The following AGFG2 variants were observed in gnomAD, a reference collection of about 807,000 sequenced individuals.
AGFG2 encodes ArfGAP with FG repeats 2.
AGFG2 carries 31 observed loss-of-function variants against 48.0 expected under a neutral mutation model. The observed-to-expected ratio is 0.65, with a 90% CI of 0.49 to 0.87. The LOEUF is 0.87. AGFG2 is among the 40% of genes least tolerant of loss of function. AGFG2 has a pLI of 0.00. For synonymous variants in AGFG2, 229 were observed against 260.8 expected (o/e 0.88, Z 1.18); for missense variants, 599 against 632.6 (o/e 0.95, Z 0.57).
At chr7:100,558,545 G>GTTTTT (rs36124305) in intron 6 of AGFG2, among the ~76,000 whole-genome samples, 2 of 135,476 alleles carry the variant, frequency 1.5e-5, no homozygotes, top group Non-Finnish European at 3.2e-5. Context: ...TTTTGTTTTT[G>GTTTTT]TTTTTTTTTT....
At chr7:100,558,839 C>G (rs1431158788) in intron 6 of AGFG2, among the ~76,000 whole-genome samples, 4 of 152,108 alleles carry the variant, frequency 2.6e-5, no homozygotes, top group Admixed American at 2.6e-4. Context: ...CTGGCTGTCT[C>G]AAAAAGCAGT....
chr7:100,554,431 T>C (rs1218473664), intron 5 of AGFG2, among the ~76,000 whole-genome samples, 173 bp downstream of exon 5: 1 of 152,248 alleles, frequency 6.6e-6, no homozygotes, highest in African/African-American at 2.4e-5. Context: ...GCCAGGATTA[T>C]GTTTGGGGGT....
chr7:100,563,753 A>G lies in AGFG2; in HGVS notation c.1172-81A>G, dbSNP rs1209264422. 3 of 1,580,976 alleles carry G rather than the reference A, an allele frequency of 1.9e-6. No individual in the cohort carries two copies. In the African/African-American group the frequency reaches 4.1e-5, roughly 21 times the overall value. On this transcript the variant is annotated intron_variant, in intron 9 of 11. Transcript: ENST00000300176. ...GGAAAAAACTATATCCCATTTTCCC[A>G]TCTTGGAGGGACTTAGGAAAAACAG...
Position 100,554,167 on chromosome 7 carries a change from A to T in AGFG2, c.660A>T (p.Lys220Asn), listed in dbSNP as rs758827052. Residue 220 changes from lysine to asparagine, a missense_variant, in exon 5 of 12, where the codon AAA becomes AAT. By Grantham distance (94) the Lys-to-Asn change is moderately conservative. Coordinates refer to ENST00000300176, the MANE Select transcript of AGFG2 (RefSeq NM_006076.5). ...TQPPPHSSVK[K>N]ASTDLLADIG... ...CACCTCCCCACTCCTCTGTCAAAAAAGCCAGTACTGACCTGCTGGCTGACA... is the reference window on the plus strand; with the variant it reads ...CACCTCCCCACTCCTCTGTCAAAAATGCCAGTACTGACCTGCTGGCTGACA... 1.2e-6 allele frequency: 2 copies of T among 1,614,216 alleles called. No individual in the cohort carries two copies. The highest frequency in any genetic ancestry group is 8.5e-7 in the Non-Finnish European group (1 of 1,180,044).
At chr7:100,551,057 TATATA>T (rs1562791838) in intron 3 of AGFG2, among the ~76,000 whole-genome samples, 20 of 113,610 alleles carry the variant, frequency 1.8e-4, no homozygotes, top group African/African-American at 6.7e-4. Flanking sequence ...TATATATATA[TATATA>T]TATATTTCTT....
chr7:100,554,286 C>T (rs772235085), intron 5 of AGFG2, 28 bp downstream of exon 5: 38 of 1,598,530 alleles, frequency 2.4e-5, no homozygotes, highest in Non-Finnish European at 3.2e-5. Flanking sequence ...TGGGACCCTC[C>T]CTACAGCGTA....
In AGFG2 at chr7:100,562,730, G is replaced by A. The variant is rs1424115311; in HGVS notation, c.1087+48G>A. 6.3e-7 allele frequency: 1 copy of A among 1,592,712 alleles called. No homozygotes were observed. Among genetic ancestry groups the A allele is most frequent in the Non-Finnish European group, 8.5e-7 (1 of 1,170,338 alleles). On this transcript the variant is annotated intron_variant, in intron 8 of 11. Coordinates refer to ENST00000300176, the MANE Select transcript of AGFG2 (RefSeq NM_006076.5). The surrounding 1 kb of genome is among the most constrained non-coding windows in gnomAD (Gnocchi z 5.4). ...CAGGGGAGGGGACCTGAGGCCAGGA[G>A]GAGTCTAAGGACTCTGGACAGGGTG...
intron 6 of AGFG2, among the ~76,000 whole-genome samples, chr7:100,559,798 A>G (rs1355128808): frequency 6.6e-6 from 1 of 150,724 alleles, no homozygotes; most frequent in Admixed American, 6.6e-5. Context: ...AGCCTGGGCA[A>G]TTGGAATGAG....
intron 6 of AGFG2, among the ~76,000 whole-genome samples, chr7:100,557,168 A>G (rs1250855326): frequency 6.6e-6 from 1 of 151,912 alleles, no homozygotes; most frequent in Non-Finnish European, 1.5e-5. Flanking sequence ...ACTGCACTCC[A>G]GCCTGAGTGA....
intron 1 of AGFG2, among the ~76,000 whole-genome samples, chr7:100,540,695 CTGT>C (rs536671427): frequency 6.6e-5 from 10 of 152,184 alleles, no homozygotes; most frequent in South Asian, 6.2e-4. Context: ...TTTTAAGACA[CTGT>C]TGTTTTTGTT....
intron 6 of AGFG2, 75 bp downstream of exon 6, chr7:100,555,810 A>G (rs1168982490): frequency 2.6e-6 from 4 of 1,567,660 alleles, no homozygotes; most frequent in Middle Eastern, 1.7e-4. Context: ...CACCATTCAT[A>G]TCCTCACTAT....
rs551708600 is a variant in AGFG2, at chr7:100,546,586, G to A, written c.222-2236G>A. On this transcript the variant is annotated intron_variant, in intron 1 of 11. Coordinates refer to ENST00000300176, the MANE Select transcript of AGFG2 (RefSeq NM_006076.5). ...AAGATAACTCTGTCCTATAATTTTT[G>A]TATCCCCCACAGTGCCTCCCATAAT... is the stretch of plus-strand genomic sequence containing the variant. Among the ~76,000 whole-genome samples the A allele has an allele frequency of 9.2e-5, 14 of 152,170 alleles. No homozygotes were observed. In the East Asian group the frequency reaches 2.3e-3, roughly 25 times the overall value.
intron 5 of AGFG2, among the ~76,000 whole-genome samples, chr7:100,554,761 C>A (rs1291947348): frequency 1.3e-5 from 2 of 151,672 alleles, no homozygotes; most frequent in African/African-American, 4.8e-5. Flanking sequence ...ATGGTGAAAC[C>A]TCATCTCTAC....
intron 11 of AGFG2, 92 bp from the exon 12 acceptor site, chr7:100,564,840 G>A (rs1800969573): frequency 4.9e-6 from 7 of 1,427,134 alleles, no homozygotes; most frequent in East Asian, 2.3e-5. Flanking sequence ...TCAGCATAGC[G>A]ATTTTTCAGG....
At position 100,554,115 on chromosome 7, in the gene AGFG2, G is replaced by A. The variant is rs775661541; in HGVS notation, c.608G>A (p.Arg203Gln). 7 of 1,613,726 alleles carry A rather than the reference G, an allele frequency of 4.3e-6. No individual in the cohort carries two copies. The East Asian group carries it at 8.9e-5, about 21-fold the overall frequency. The change falls in exon 5 of 12, where the codon CGG becomes CAG. Residue 203 changes from arginine (R) to glutamine (Q), a missense_variant. By Grantham distance (43) the Arg-to-Gln change is conservative (BLOSUM62 1). Transcript: ENST00000300176. ...AAGCCCGTCAGTCAGTCTCACGCTC[G>A]GACATCCCAGGCCCGGAGCACTCAG... The part of the protein sequence containing the change: ...SSQPVSQSHA[R>Q]TSQARSTQPP...
intron 2 of AGFG2, 124 bp downstream of exon 2, chr7:100,549,039 A>G: frequency 2.7e-6 from 2 of 734,958 alleles, no homozygotes; most frequent in Non-Finnish European, 4.6e-6. Context: ...TTTCATATGT[A>G]TGATTTCTTT....
At position 100,550,517 on chromosome 7, in the gene AGFG2, GA is replaced by G. The variant is rs1369361196; in HGVS notation, c.431+7del. 2 of 1,590,226 alleles carry G rather than the reference GA, an allele frequency of 1.3e-6. No individual in the cohort carries two copies. The highest frequency in any genetic ancestry group is 2.7e-5 in the African/African-American group (2 of 74,358). On this transcript the variant is annotated splice_region_variant and intron_variant, in intron 3 of 11. Transcript: ENST00000300176. ...AAATATGAGAAGAAGAGATGGTAAG[GA>G]GTAGGAAAGAGGTTGCTATGGAAAC... is the stretch of plus-strand genomic sequence containing the variant.
Position 100,564,983 on chromosome 7 carries a change from T to A in AGFG2, c.1438T>A (p.Phe480Ile). 1 of 1,614,140 alleles carries A rather than the reference T, an allele frequency of 6.2e-7. No homozygotes were observed. The highest frequency in any genetic ancestry group is 1.1e-5 in the South Asian group (1 of 91,072). ...FASKPPTTNPFL is the reference protein window; with the variant it reads ...FASKPPTTNPIL ...CTCCAAACCTCCAACCACCAACCCCTTCTTGTAGCACTGTGTTTTTGGGGG... is the reference window on the plus strand; with the variant it reads ...CTCCAAACCTCCAACCACCAACCCCATCTTGTAGCACTGTGTTTTTGGGGG... The change falls in exon 12 of 12, where the codon TTC becomes ATC. Residue 480 changes from phenylalanine to isoleucine, a missense_variant. Physicochemically the swap from Phe to Ile is conservative, Grantham distance 21 (BLOSUM62 0). Coordinates refer to ENST00000300176, the MANE Select transcript of AGFG2 (RefSeq NM_006076.5).
At chr7:100,554,937 C>CAAAAAAA (rs749887106) in intron 5 of AGFG2, among the ~76,000 whole-genome samples, 1 of 57,574 alleles carries the variant, frequency 1.7e-5, no homozygotes. Context: ...GACTCCGTCT[C>CAAAAAAA]AAAAAAAAAA....
Sources: allele counts gnomAD v4.1 joint callset (sites outside exome capture counted in the v4.1 genomes callset), GRCh38; gene constraint gnomAD v4.1.1; non-coding constraint Gnocchi (gnomAD v3.1); transcripts MANE v1.5; gene names NCBI Gene and HGNC (gene_info 2026-07-23, HGNC 2026-07-21).